Variants in ASTN1 observed in about 807,000 individuals in gnomAD.
The protein encoded by ASTN1 is astrotactin 1, also known as astrotactin-1.
Under a neutral mutation model 140.7 loss-of-function variants are expected in ASTN1, and 41 were observed. The observed-to-expected ratio is 0.29, with a 90% CI of 0.23 to 0.38. The LOEUF is 0.38. Ranked by LOEUF, ASTN1 falls within the 10% of genes least tolerant of loss-of-function variation. ASTN1 has a pLI of 1.00. For synonymous variants in ASTN1, 640 were observed against 652.2 expected, an observed-to-expected ratio of 0.98 and a Z score of 0.29; for missense variants, 1,479 against 1,678.8, an observed-to-expected ratio of 0.88 and a Z score of 2.08.
At chr1:176,881,240 A>G (rs1417797397) in intron 20 of ASTN1, among the ~76,000 whole-genome samples, 1 of 152,114 alleles carries the variant, frequency 6.6e-6, no homozygotes, top group Non-Finnish European at 1.5e-5. Context: ...TTCTCAATAA[A>G]CAGCATTCAC....
rs777080382 is a variant in ASTN1 at position 177,030,904 on chromosome 1, A to ATAT, written c.911_913dup (p.Asn304dup). On this transcript the variant is annotated inframe_insertion, in exon 4 of 23. Coordinates refer to ENST00000361833, the MANE Select transcript of ASTN1 (RefSeq NM_004319.3). ...GGAGTCCACAGGGCTAGTGGCTATA[A>ATAT]TATTATCTTTATACTTGTTCATCAG... 6.2e-7 allele frequency: 1 copy of ATAT among 1,614,114 alleles called. No individual in the cohort carries two copies. The highest frequency in any genetic ancestry group is 1.1e-5 in the South Asian group (1 of 91,082).
chr1:177,059,858 T>C (rs558841945), intron 2 of ASTN1, among the ~76,000 whole-genome samples: 4 of 152,300 alleles, frequency 2.6e-5, no homozygotes, highest in African/African-American at 9.6e-5. Context: ...TGCTTCTGAG[T>C]TGAGTTTCCT....
chr1:176,976,246 C>T (rs1004199129), intron 8 of ASTN1: 1 of 152,210 alleles, frequency 6.6e-6, no homozygotes, highest in Non-Finnish European at 1.5e-5. Context: ...GATGCCCCCA[C>T]CTATGCACAC....
chr1:177,079,225 G>C (rs1679064920), intron 1 of ASTN1, among the ~76,000 whole-genome samples: 2 of 151,884 alleles, frequency 1.3e-5, no homozygotes, highest in South Asian at 4.2e-4. Context: ...GGAAAGAGTG[G>C]ATCAAATGTC....
chr1:176,989,657 G>C (rs1674068137), intron 8 of ASTN1, among the ~76,000 whole-genome samples: 1 of 152,124 alleles, frequency 6.6e-6, no homozygotes, highest in South Asian at 2.1e-4. Flanking sequence ...AGAGCTCAGA[G>C]AGAAGACGAA....
chr1:177,154,418 T>C (rs543140884), intron 1 of ASTN1, among the ~76,000 whole-genome samples: 26 of 152,316 alleles, frequency 1.7e-4, no homozygotes, highest in Non-Finnish European at 3.1e-4. Context: ...CTAACTATAT[T>C]TCAAGTGTTC....
rs142811346 is a variant in ASTN1 at position 176,946,071 on chromosome 1, T to C, written c.2104A>G (p.Ile702Val). The change falls in exon 13 of 23, where the codon ATC becomes GTC. Residue 702 changes from isoleucine to valine, a missense_variant. By Grantham distance (29) the Ile-to-Val change is conservative. This residue lies in a region of ASTN1 where 746 missense variants were observed against 800.9 expected (regional missense o/e 0.93). Transcript: ENST00000361833. Reference sequence around the variant, plus strand: ...CTTCCCTCTGGACAGGTCTCCGTGATGAGTTGGCAAGAGCGTCCATCCACA... The same window carrying C: ...CTTCCCTCTGGACAGGTCTCCGTGACGAGTTGGCAAGAGCGTCCATCCACA... ...LGVDGRSCQL[I>V]TETCPEGSDC... is the part of the protein sequence containing the mutation. The C allele has an allele frequency of 1.1e-4, 177 of 1,613,762 alleles. No homozygotes were observed. Among genetic ancestry groups the C allele is most frequent in the Non-Finnish European group, 1.4e-4 (162 of 1,179,842 alleles).
chr1:177,030,988 G>A (rs766937375), intron 3 of ASTN1, 36 bp from the exon 4 acceptor site: 119 of 1,587,692 alleles, frequency 7.5e-5, no homozygotes, highest in Non-Finnish European at 9.9e-5. Context: ...AACTTTAAGA[G>A]AAAAGACCAA....
At chr1:177,082,752 C>G (rs1679239644) in intron 1 of ASTN1, among the ~76,000 whole-genome samples, 1 of 152,178 alleles carries the variant, frequency 6.6e-6, no homozygotes, top group African/African-American at 2.4e-5. Context: ...CCCTGTAATA[C>G]TCTCCTTCCC....
intron 8 of ASTN1, among the ~76,000 whole-genome samples, chr1:176,999,188 T>C (rs759696033): frequency 2.6e-5 from 4 of 152,178 alleles, no homozygotes; most frequent in Non-Finnish European, 5.9e-5. Flanking sequence ...ATGGAGACTG[T>C]GGAGGCAAAA....
chr1:176,964,840 C>A (rs962111999), intron 9 of ASTN1, among the ~76,000 whole-genome samples: 15 of 152,098 alleles, frequency 9.9e-5, no homozygotes, highest in Non-Finnish European at 2.1e-4. Flanking sequence ...TCTCATATAT[C>A]CCTCACAATA....
intron 1 of ASTN1, among the ~76,000 whole-genome samples, chr1:177,120,583 C>T (rs980971315): frequency 3.9e-5 from 6 of 152,126 alleles, no homozygotes; most frequent in Non-Finnish European, 2.9e-5. Flanking sequence ...TTAAACAAGC[C>T]GATTCTTTTG....
intron 16 of ASTN1, among the ~76,000 whole-genome samples, chr1:176,908,101 G>A (rs1670075368): frequency 6.6e-6 from 1 of 150,884 alleles, no homozygotes; most frequent in African/African-American, 2.5e-5. Flanking sequence ...TCTGCCACCA[G>A]GACTTCCTTT....
intron 1 of ASTN1, among the ~76,000 whole-genome samples, chr1:177,142,933 C>G (rs1242305647): frequency 6.6e-6 from 1 of 151,532 alleles, no homozygotes; most frequent in East Asian, 1.9e-4. Flanking sequence ...TTTCAAGAGC[C>G]ACAAATTATT....
chr1:177,018,816 C>CA (rs1456592200), intron 7 of ASTN1, among the ~76,000 whole-genome samples: 4 of 152,088 alleles, frequency 2.6e-5, no homozygotes, highest in African/African-American at 4.8e-5. Context: ...ACAACCATAA[C>CA]AAAAAAACCC....
chr1:177,139,612 C>G (rs1181913483), intron 1 of ASTN1, among the ~76,000 whole-genome samples: 1 of 152,112 alleles, frequency 6.6e-6, no homozygotes, highest in East Asian at 1.9e-4. Context: ...GAAATAAGGG[C>G]AAAACCTAGT....
At chr1:177,058,757 T>C (rs1677931635) in intron 2 of ASTN1, among the ~76,000 whole-genome samples, 1 of 152,098 alleles carries the variant, frequency 6.6e-6, no homozygotes, top group African/African-American at 2.4e-5. Context: ...AGTTCTTTAG[T>C]GGTGATTTGT....
intron 2 of ASTN1, among the ~76,000 whole-genome samples, chr1:177,044,541 G>A (rs1677130401): frequency 1.3e-5 from 2 of 152,200 alleles, no homozygotes; most frequent in Non-Finnish European, 2.9e-5. Context: ...CTGTAGCAAA[G>A]GGAAGTTGGA....
chr1:177,160,247 T>A (rs1277889789), intron 1 of ASTN1, among the ~76,000 whole-genome samples: 5 of 152,160 alleles, frequency 3.3e-5, no homozygotes, highest in Non-Finnish European at 7.4e-5. Context: ...GTTATTTAAC[T>A]CCCCCATTCT....
Sources: allele counts gnomAD v4.1 joint callset (sites outside exome capture counted in the v4.1 genomes callset), GRCh38; gene constraint gnomAD v4.1.1; regional missense constraint gnomAD v4.1.1; transcripts MANE v1.5; gene names NCBI Gene and HGNC (gene_info 2026-07-23, HGNC 2026-07-21).